The following FAT3 variants were observed in gnomAD, a reference collection of about 807,000 sequenced individuals.
FAT3 encodes FAT atypical cadherin 3.
In FAT3, 95 loss-of-function variants were observed where a neutral mutation model predicts 310.2. The ratio of observed to expected loss-of-function variants is 0.31; its 90% CI spans 0.26 to 0.36. FAT3 has a LOEUF of 0.36. FAT3 is among the 10% of genes least tolerant of loss of function. The probability of loss-of-function intolerance (pLI) is 1.00; values close to 1 mark genes in which losing one functional copy is unlikely to be tolerated. For missense variants in FAT3, 5,408 were observed against 5,715.6 expected (o/e 0.95, Z 1.74); for synonymous variants, 2,314 against 2,192.9 (o/e 1.06, Z -1.54).
chr11:92,360,968 T>C (rs1300573269), intron 2 of FAT3, among the ~76,000 whole-genome samples: 1 of 152,218 alleles, frequency 6.6e-6, no homozygotes, highest in Non-Finnish European at 1.5e-5. Context: ...CATCATAACC[T>C]TGTTACACAT....
chr11:92,662,891 A>C (rs1942835109), intron 3 of FAT3, among the ~76,000 whole-genome samples: 1 of 152,172 alleles, frequency 6.6e-6, no homozygotes, highest in African/African-American at 2.4e-5. Flanking sequence ...CACAGCAAAG[A>C]ATGTTGTATG....
intron 1 of FAT3, among the ~76,000 whole-genome samples, chr11:92,239,999 A>G (rs1470349985): frequency 6.6e-6 from 1 of 152,130 alleles, no homozygotes; most frequent in Non-Finnish European, 1.5e-5. Context: ...GTTCTATCAG[A>G]ATCACTAAGG....
At chr11:92,543,816 A>G (rs1278561920) in intron 3 of FAT3, among the ~76,000 whole-genome samples, 2 of 152,092 alleles carry the variant, frequency 1.3e-5, no homozygotes, top group Non-Finnish European at 2.9e-5. Flanking sequence ...TGAAAAACCT[A>G]CTCTATGTCA....
At chr11:92,486,489 T>A (rs1220800924) in intron 2 of FAT3, among the ~76,000 whole-genome samples, 2 of 152,118 alleles carry the variant, frequency 1.3e-5, no homozygotes, top group Non-Finnish European at 2.9e-5. Context: ...TTCATTTCGT[T>A]CATTTATTAA....
chr11:92,756,068 T>C (rs1342396337), intron 4 of FAT3, among the ~76,000 whole-genome samples: 3 of 152,220 alleles, frequency 2.0e-5, no homozygotes, highest in African/African-American at 7.2e-5. Context: ...AGCAGATATG[T>C]GATAACCACG....
Position 92,799,194 on chromosome 11 carries a change from G to C in FAT3, c.6181G>C (p.Asp2061His). The C allele has an allele frequency of 6.2e-7, 1 of 1,613,940 alleles. No homozygotes were observed. The highest frequency in any genetic ancestry group is 8.5e-7 in the Non-Finnish European group (1 of 1,179,870). ...GGTGGTAGAAGCCAGCCGTGAGCTG[G>C]ACCATCTGCGTGTGGCCAGAGTGGT... ...ELVVEASREL[D>H]HLRVARVVVR... Residue 2061 changes from aspartate to histidine, a missense_variant, in exon 10 of 28, where the codon GAC becomes CAC. Coordinates refer to ENST00000525166, the MANE Select transcript of FAT3 (RefSeq NM_001367949.2).
chr11:92,827,859 G>A (rs1011617582), intron 13 of FAT3, among the ~76,000 whole-genome samples: 5 of 152,150 alleles, frequency 3.3e-5, no homozygotes, highest in Non-Finnish European at 7.4e-5. Flanking sequence ...ATTCTCTGAA[G>A]GCCTGTCTGC....
chr11:92,354,375 T>C lies in FAT3; in HGVS notation c.2263T>C (p.Ser755Pro), dbSNP rs1178085844. The change falls in exon 2 of 28, where the codon TCT becomes CCT. Residue 755 changes from serine (S) to proline (P), a missense_variant. By Grantham distance (74) the Ser-to-Pro change is moderately conservative (BLOSUM62 -1). Transcript: ENST00000525166. The part of the protein sequence containing the change: ...ILKIKAYDAD[S>P]GFNGKVLFTI... Reference sequence around the variant, plus strand: ...GAAGATTAAAGCCTATGATGCCGACTCTGGCTTCAATGGAAAAGTGCTATT... The same window carrying C: ...GAAGATTAAAGCCTATGATGCCGACCCTGGCTTCAATGGAAAAGTGCTATT... 1 of 1,613,830 alleles carries C rather than the reference T, an allele frequency of 6.2e-7. No homozygotes were observed. Among genetic ancestry groups the C allele is most frequent in the African/African-American group, 1.3e-5 (1 of 74,920 alleles).
rs2134635240 is a variant in FAT3 at position 92,353,116 on chromosome 11, A to G, written c.1004A>G (p.Glu335Gly). The change falls in exon 2 of 28, where the codon GAG becomes GGG. Residue 335 changes from glutamate to glycine, a missense_variant. Glu to Gly is a moderately conservative substitution (Grantham distance 98). Coordinates refer to ENST00000525166, the MANE Select transcript of FAT3 (RefSeq NM_001367949.2). The part of the protein sequence containing the change: ...KIKERKQIDW[E>G]SFPYGYNLTL... ...AAGGAGAGGAAGCAGATTGACTGGGAGAGCTTTCCCTATGGCTACAATCTC... is the reference window on the plus strand; with the variant it reads ...AAGGAGAGGAAGCAGATTGACTGGGGGAGCTTTCCCTATGGCTACAATCTC... The G allele has an allele frequency of 1.9e-6, 3 of 1,613,694 alleles. No individual in the cohort carries two copies. The African/African-American group carries it at 4.0e-5, about 22-fold the overall frequency.
intron 4 of FAT3, among the ~76,000 whole-genome samples, chr11:92,739,308 C>G (rs1317823119): frequency 6.6e-6 from 1 of 151,194 alleles, no homozygotes; most frequent in Non-Finnish European, 1.5e-5. Context: ...TTTGTAATTT[C>G]TGGAGATTTC....
chr11:92,255,887 A>G (rs187219813), intron 1 of FAT3, among the ~76,000 whole-genome samples: 2 of 152,280 alleles, frequency 1.3e-5, no homozygotes, highest in East Asian at 3.9e-4. Context: ...TTGTTATGAC[A>G]AAGATGTCAG....
chr11:92,432,205 G>T (rs980986162), intron 2 of FAT3, among the ~76,000 whole-genome samples: 5 of 152,092 alleles, frequency 3.3e-5, no homozygotes, highest in South Asian at 2.1e-4. Context: ...CCTTGAAGAG[G>T]TCCTTCACGT....
At chr11:92,684,392 G>A (rs1007061840) in intron 3 of FAT3, among the ~76,000 whole-genome samples, 9 of 152,148 alleles carry the variant, frequency 5.9e-5, no homozygotes, top group East Asian at 5.8e-4. Context: ...CCGGGACCCT[G>A]GACATGAGTG....
chr11:92,390,598 G>A (rs1432428259), intron 2 of FAT3, among the ~76,000 whole-genome samples: 1 of 152,112 alleles, frequency 6.6e-6, no homozygotes, highest in Non-Finnish European at 1.5e-5. Flanking sequence ...GAGCTTTGAC[G>A]TGAACCACTA....
intron 2 of FAT3, among the ~76,000 whole-genome samples, chr11:92,409,244 C>T (rs1424405356): frequency 1.3e-5 from 2 of 148,868 alleles, no homozygotes; most frequent in South Asian, 2.2e-4. Flanking sequence ...ATGAAGCTTT[C>T]GTGTGTGTGT....
At chr11:92,486,274 ACT>A (rs1403112097) in intron 2 of FAT3, among the ~76,000 whole-genome samples, 1 of 150,182 alleles carries the variant, frequency 6.7e-6, no homozygotes, top group South Asian at 2.1e-4. Flanking sequence ...GTGTATTAAC[ACT>A]CTCTGAACTA....
chr11:92,735,624 C>T (rs1945322087), intron 4 of FAT3, among the ~76,000 whole-genome samples: 1 of 151,762 alleles, frequency 6.6e-6, no homozygotes, highest in African/African-American at 2.4e-5. Context: ...GCAGTTAGTG[C>T]TCTATTTGCA....
intron 19 of FAT3, among the ~76,000 whole-genome samples, chr11:92,852,966 G>C (rs1240325381): frequency 1.6e-4 from 25 of 152,180 alleles, no homozygotes; most frequent in Admixed American, 1.6e-3. Flanking sequence ...GATCCTTGGG[G>C]TGTTGCTTCT....
intron 4 of FAT3, among the ~76,000 whole-genome samples, chr11:92,705,444 GGT>G (rs1944259881): frequency 2.4e-5 from 1 of 41,140 alleles, no homozygotes; most frequent in Non-Finnish European, 6.1e-5. Context: ...TGATGGTGGT[GGT>G]GTGATGGTGG....
Sources: allele counts gnomAD v4.1 joint callset (sites outside exome capture counted in the v4.1 genomes callset), GRCh38; gene constraint gnomAD v4.1.1; transcripts MANE v1.5; gene names NCBI Gene and HGNC (gene_info 2026-07-23, HGNC 2026-07-21).